Variants in B9D2 observed in about 807,000 individuals in gnomAD.
The protein encoded by B9D2 is B9 domain-containing protein 2.
B9D2 carries 21 observed loss-of-function variants against 19.2 expected under a neutral mutation model. The ratio of observed to expected loss-of-function variants is 1.09; its 90% CI spans 0.78 to 1.58. The LOEUF (loss-of-function observed/expected upper bound fraction) is 1.58. B9D2 is among the 40% of genes most tolerant of loss of function. B9D2 has a pLI of 0.00. For missense variants in B9D2, 221 were observed against 244.3 expected (o/e 0.90, Z 0.64); for synonymous variants, 91 against 100.6 (o/e 0.90, Z 0.57).
intron 1 of B9D2, 57 bp downstream of exon 1, chr19:41,363,901 A>G (rs2038461042): frequency 1.1e-5 from 5 of 463,440 alleles, no homozygotes; most frequent in South Asian, 4.4e-5. Context: ...CGCATGCGTT[A>G]TGAGTTCAGG....
chr19:41,356,869 A>C (rs575365718), intron 3 of B9D2, among the ~76,000 whole-genome samples: 151 of 150,404 alleles, frequency 1.0e-3, no homozygotes, highest in African/African-American at 3.6e-3. Flanking sequence ...AAAAGGTGAA[A>C]TCTCACTTGT....
At chr19:41,363,066 G>T in intron 2 of B9D2, 1 of 277,842 alleles carries the variant, frequency 3.6e-6, no homozygotes. Flanking sequence ...GCAACATAGC[G>T]AGACCCTGTC....
chr19:41,360,799 G>A (rs1437802366), intron 2 of B9D2, among the ~76,000 whole-genome samples: 7 of 152,148 alleles, frequency 4.6e-5, no homozygotes, highest in East Asian at 3.9e-4. Context: ...ATGAGCCACC[G>A]CGCCTGGCCT....
chr19:41,356,134 T>C (rs1422215361), intron 3 of B9D2, among the ~76,000 whole-genome samples: 1 of 152,078 alleles, frequency 6.6e-6, no homozygotes, highest in East Asian at 1.9e-4. Flanking sequence ...GCTTTCACCC[T>C]GAGTGAGATG....
rs1367329803 is a variant in B9D2, at chr19:41,361,862, T to C, written c.88+1570A>G. On this transcript the variant is annotated intron_variant, in intron 2 of 3. Coordinates refer to ENST00000243578, the MANE Select transcript of B9D2 (RefSeq NM_030578.4). ...TGGAAGGCCTACGCAGGCGGATCAC[T>C]TAAGGCCAGGAGTTCAAGACCAGCC... Among the ~76,000 whole-genome samples, 2 of 61,386 alleles carry C rather than the reference T, an allele frequency of 3.3e-5. 1 individual carries two copies. Among genetic ancestry groups the C allele is most frequent in the Non-Finnish European group, 6.5e-5 (2 of 30,976 alleles). The allele number at this position is 61,386 out of a possible 152,430, so 40.3% of individuals were successfully genotyped here.
chr19:41,360,772 G>T (rs990368454), intron 2 of B9D2, among the ~76,000 whole-genome samples: 1 of 152,188 alleles, frequency 6.6e-6, no homozygotes, highest in Non-Finnish European at 1.5e-5. Context: ...GACTCCCAAA[G>T]TGCTGGGATT....
intron 3 of B9D2, among the ~76,000 whole-genome samples, 197 bp downstream of exon 3, chr19:41,357,700 C>CA (rs1469758821): frequency 1.4e-5 from 2 of 139,842 alleles, no homozygotes; most frequent in Non-Finnish European, 1.6e-5. Context: ...CTGCCCTAAT[C>CA]ATACAAACTT....
intron 2 of B9D2, among the ~76,000 whole-genome samples, chr19:41,358,766 G>A (rs950111180): frequency 1.3e-5 from 2 of 152,112 alleles, no homozygotes; most frequent in African/African-American, 2.4e-5. Context: ...AGCACTTTGG[G>A]AGGCCAAGGC....
intron 2 of B9D2, among the ~76,000 whole-genome samples, chr19:41,362,682 G>C (rs2038430079): frequency 6.6e-6 from 1 of 152,196 alleles, no homozygotes; most frequent in African/African-American, 2.4e-5. Context: ...AAGTGCCCAA[G>C]TTCACATAAT....
At chr19:41,357,128 C>T (rs1204599439) in intron 3 of B9D2, among the ~76,000 whole-genome samples, 2 of 152,174 alleles carry the variant, frequency 1.3e-5, no homozygotes, top group East Asian at 3.8e-4. Context: ...GTTCAGAAGC[C>T]CCCTCCTCCA....
chr19:41,360,574 C>T (rs769068465), intron 2 of B9D2, among the ~76,000 whole-genome samples: 8 of 152,182 alleles, frequency 5.3e-5, no homozygotes, highest in East Asian at 3.9e-4. Flanking sequence ...GGCACCATCT[C>T]GGCTCACTGC....
intron 2 of B9D2, among the ~76,000 whole-genome samples, chr19:41,358,630 G>A (rs1414200065): frequency 2.0e-5 from 3 of 152,110 alleles, no homozygotes; most frequent in African/African-American, 7.2e-5. Flanking sequence ...GATTAAGATG[G>A]GGCCAAGGGT....
intron 2 of B9D2, among the ~76,000 whole-genome samples, chr19:41,360,486 T>A (rs1049707934): frequency 8.6e-5 from 13 of 151,690 alleles, no homozygotes; most frequent in African/African-American, 3.2e-4. Context: ...TGCACTCGTT[T>A]ATCTGTTTAT....
At chr19:41,359,303 A>C (rs1201456417) in intron 2 of B9D2, among the ~76,000 whole-genome samples, 1 of 152,098 alleles carries the variant, frequency 6.6e-6, no homozygotes, top group African/African-American at 2.4e-5. Context: ...GCAGTGGCTC[A>C]CATCTGTAAT....
At chr19:41,359,530 A>G (rs1053434832) in intron 2 of B9D2, among the ~76,000 whole-genome samples, 9 of 151,928 alleles carry the variant, frequency 5.9e-5, no homozygotes, top group African/African-American at 1.9e-4. Context: ...CTGAAACCCT[A>G]TCTCTACTAA....
In B9D2 at chr19:41,364,004, T is replaced by A. The variant is rs2038465191; in HGVS notation, c.-51A>T. On this transcript the variant is annotated 5_prime_UTR_variant, in exon 1 of 4. Coordinates refer to ENST00000243578, the MANE Select transcript of B9D2 (RefSeq NM_030578.4). ...GAGAGGAGAAAGCGGCAACCGGGGT[T>A]GTAGTTCATGGGCTTGACTGCTTCT... 4.8e-6 allele frequency: 1 copy of A among 207,670 alleles called. No homozygotes were observed. Among genetic ancestry groups the A allele is most frequent in the South Asian group, 6.5e-5 (1 of 15,370 alleles). 12.9% of individuals were successfully genotyped at this position (207,670 alleles called of 1,614,324 possible).
intron 2 of B9D2, among the ~76,000 whole-genome samples, chr19:41,362,610 A>G (rs2038428886): frequency 1.3e-5 from 2 of 152,132 alleles, no homozygotes; most frequent in African/African-American, 4.8e-5. Context: ...ACTCATGACA[A>G]CTTCAACAGG....
rs572033296 is a variant in B9D2, at chr19:41,361,867, G to A, written c.88+1565C>T. Among the ~76,000 whole-genome samples, 91 of 63,820 alleles carry A rather than the reference G, an allele frequency of 1.4e-3. 20 individuals are homozygous for A. The highest frequency in any genetic ancestry group is 5.4e-3 in the African/African-American group (82 of 15,290). 41.9% of individuals were successfully genotyped at this position (63,820 alleles called of 152,430 possible). On this transcript the variant is annotated intron_variant, in intron 2 of 3. Transcript: ENST00000243578. ...GGCCTACGCAGGCGGATCACTTAAG[G>A]CCAGGAGTTCAAGACCAGCCTGGCC...
At position 41,354,892 on chromosome 19, in the gene B9D2, C is replaced by A. The variant is rs139072904; in HGVS notation, c.336G>T (p.Thr112=). The change falls in exon 4 of 4, where the codon ACG becomes ACT. Residue 112 remains threonine, a synonymous_variant. Coordinates refer to ENST00000243578, the MANE Select transcript of B9D2 (RefSeq NM_030578.4). ...SPGTHQLACP[T]WRPLGSWREQ... ...CTCGCCAACTGCCCAGGGGCCGCCACGTGGGGCAGGCCAGCTGGTGGGTGC... is the reference window on the plus strand; with the variant it reads ...CTCGCCAACTGCCCAGGGGCCGCCAAGTGGGGCAGGCCAGCTGGTGGGTGC... The A allele has an allele frequency of 6.2e-7, 1 of 1,613,696 alleles. No homozygotes were observed.
Sources: allele counts gnomAD v4.1 joint callset (sites outside exome capture counted in the v4.1 genomes callset), GRCh38; gene constraint gnomAD v4.1.1; transcripts MANE v1.5; gene names NCBI Gene and HGNC (gene_info 2026-07-23, HGNC 2026-07-21).